The following LRRN1 variants were observed in gnomAD, a reference collection of about 807,000 sequenced individuals.
The protein encoded by LRRN1 is leucine-rich repeat neuronal protein 1.
LRRN1 carries 14 observed loss-of-function variants against 45.8 expected under a neutral mutation model. The ratio of observed to expected loss-of-function variants is 0.31; its 90% CI spans 0.20 to 0.48. LRRN1 has a LOEUF of 0.48. LRRN1 is among the 20% of genes least tolerant of loss of function. The pLI, the probability that LRRN1 is intolerant of heterozygous loss-of-function variation, is 0.99. For missense variants in LRRN1, 789 were observed against 874.2 expected (o/e 0.90, Z 1.23); for synonymous variants, 359 against 330.1 (o/e 1.09, Z -0.95).
intron 1 of LRRN1, among the ~76,000 whole-genome samples, chr3:3,829,316 CGTT>C (rs1244805622): frequency 2.6e-5 from 4 of 152,032 alleles, no homozygotes; most frequent in Non-Finnish European, 5.9e-5. Flanking sequence ...TTCATGGAAT[CGTT>C]GTTATGTCTC....
Position 3,844,685 on chromosome 3 carries a change from T to C in LRRN1, c.44T>C (p.Leu15Pro). The C allele has an allele frequency of 6.2e-7, 1 of 1,614,110 alleles. No individual in the cohort carries two copies. Among genetic ancestry groups the C allele is most frequent in the Non-Finnish European group, 8.5e-7 (1 of 1,179,974 alleles). The change falls in exon 2 of 2, where the codon CTG (leucine) becomes CCG (proline). Residue 15 changes from leucine to proline, a missense_variant. Transcript: ENST00000319331. ...SFVIAACQLV[L>P]GLLMTSLTES... ...GTTATAGCAGCTTGCCAATTGGTGC[T>C]GGGCCTACTAATGACTTCATTAACC...
chr3:3,848,273 A>G lies in LRRN1; in HGVS notation c.*1481A>G, dbSNP rs1693820906. On this transcript the variant is annotated 3_prime_UTR_variant, in exon 2 of 2. Transcript: ENST00000319331. ...TCCAAATATATATAGACAGTTTTGG[A>G]GAATTGTTTCAAGATTATAGAGGAA... 6.6e-6 allele frequency among the ~76,000 whole-genome samples: 1 copy of G among 152,238 alleles called. No individual in the cohort carries two copies. The highest frequency in any genetic ancestry group is 2.4e-5 in the African/African-American group (1 of 41,466).
chr3:3,820,872 G>A (rs866016637), intron 1 of LRRN1, among the ~76,000 whole-genome samples: 6 of 152,182 alleles, frequency 3.9e-5, no homozygotes, highest in Middle Eastern at 3.2e-3. Context: ...ATGAGTGACT[G>A]GAAGAATGAA....
At chr3:3,827,611 C>T in intron 1 of LRRN1, 2 of 426,396 alleles carry the variant, frequency 4.7e-6, no homozygotes, top group African/African-American at 2.0e-5. Context: ...CTGCATTTGC[C>T]ATGGATCTAT....
At chr3:3,821,104 C>A (rs1693093414) in intron 1 of LRRN1, among the ~76,000 whole-genome samples, 1 of 152,182 alleles carries the variant, frequency 6.6e-6, no homozygotes, top group Admixed American at 6.5e-5. Flanking sequence ...ATCAAAATCT[C>A]CATGAGGCAT....
intron 1 of LRRN1, among the ~76,000 whole-genome samples, chr3:3,841,024 G>A (rs552052168): frequency 3.1e-4 from 47 of 152,240 alleles, no homozygotes; most frequent in African/African-American, 1.1e-3. Context: ...TTGAGGCTGG[G>A]TGCGGTGGCT....
rs1388084791 is a variant in LRRN1, at chr3:3,849,662, G to T, written c.*2870G>T. 6.6e-6 allele frequency among the ~76,000 whole-genome samples: 1 copy of T among 152,108 alleles called. No homozygotes were observed. Among genetic ancestry groups the T allele is most frequent in the African/African-American group, 2.4e-5 (1 of 41,416 alleles). On this transcript the variant is annotated 3_prime_UTR_variant, in exon 2 of 2. Transcript: ENST00000319331. ...CTGATTTTTCAAGGTTATTTTTGGA[G>T]CAGTTTCTTAAAACAGGCATTCCCT... is the stretch of plus-strand genomic sequence containing the variant.
rs1004236105 is a variant in LRRN1 at position 3,848,742 on chromosome 3, A to C, written c.*1950A>C. ...CCCAGGGAGGGCTTGCAGCTTACCCAGTTCGGACTCCTGCCAGTTCAGCGC... is the reference window on the plus strand; with the variant it reads ...CCCAGGGAGGGCTTGCAGCTTACCCCGTTCGGACTCCTGCCAGTTCAGCGC... On this transcript the variant is annotated 3_prime_UTR_variant, in exon 2 of 2. Transcript: ENST00000319331. 6.6e-6 allele frequency among the ~76,000 whole-genome samples: 1 copy of C among 152,142 alleles called. No homozygotes were observed. Among genetic ancestry groups the C allele is most frequent in the African/African-American group, 2.4e-5 (1 of 41,432 alleles).
intron 1 of LRRN1, among the ~76,000 whole-genome samples, chr3:3,815,805 C>A (rs1163929994): frequency 6.6e-6 from 1 of 152,068 alleles, no homozygotes; most frequent in Non-Finnish European, 1.5e-5. Flanking sequence ...CCCCTTAAAT[C>A]AAAAACTCTA....
At chr3:3,829,875 GC>G (rs1448810550) in intron 1 of LRRN1, among the ~76,000 whole-genome samples, 4 of 152,174 alleles carry the variant, frequency 2.6e-5, no homozygotes, top group African/African-American at 4.8e-5. Context: ...ACAAACCTCT[GC>G]CCTTTTCATG....
At chr3:3,833,760 C>T (rs1693423059) in intron 1 of LRRN1, among the ~76,000 whole-genome samples, 1 of 152,162 alleles carries the variant, frequency 6.6e-6, no homozygotes, top group Non-Finnish European at 1.5e-5. Context: ...GCGGAAAGGC[C>T]TATGGCAGCA....
chr3:3,813,981 AC>A, intron 1 of LRRN1, among the ~76,000 whole-genome samples: 2 of 151,746 alleles, frequency 1.3e-5, no homozygotes, highest in Middle Eastern at 3.4e-3. Context: ...CTCAGGCTCA[AC>A]CTTGAAATTA....
chr3:3,844,946 T>G lies in LRRN1; in HGVS notation c.305T>G (p.Phe102Cys). The change falls in exon 2 of 2, where the codon TTC becomes TGC. Residue 102 changes from phenylalanine (F) to cysteine (C), a missense_variant. Phe to Cys is a radical substitution (Grantham distance 205, BLOSUM62 -2). Coordinates refer to ENST00000319331, the MANE Select transcript of LRRN1 (RefSeq NM_020873.7). ...QQLFNLTELDFSQNNFTNIKE... is the reference protein window; with the variant it reads ...QQLFNLTELDCSQNNFTNIKE... Reference sequence around the variant, plus strand: ...CTTTTCAACTTGACTGAACTAGATTTCTCCCAAAACAACTTTACTAACATT... The same window carrying G: ...CTTTTCAACTTGACTGAACTAGATTGCTCCCAAAACAACTTTACTAACATT... 1 of 1,614,068 alleles carries G rather than the reference T, an allele frequency of 6.2e-7. No homozygotes were observed. The highest frequency in any genetic ancestry group is 2.2e-5 in the East Asian group (1 of 44,850).
chr3:3,834,540 ATATATATATATATGATATATATATTAT>A (rs1693457156), intron 1 of LRRN1, among the ~76,000 whole-genome samples: 1 of 113,536 alleles, frequency 8.8e-6, no homozygotes, highest in Non-Finnish European at 1.8e-5. Context: ...ATATATATAT[ATATATATATATATGATATATATATTAT>A]TATACATATT....
intron 1 of LRRN1, among the ~76,000 whole-genome samples, chr3:3,824,795 A>G (rs1281879827): frequency 6.6e-6 from 1 of 152,198 alleles, no homozygotes; most frequent in African/African-American, 2.4e-5. Context: ...AAGCAAAGCA[A>G]TGTGGGATTG....
intron 1 of LRRN1, chr3:3,827,560 T>TTCCCC (rs1693251566): frequency 2.2e-6 from 1 of 452,088 alleles, no homozygotes; most frequent in South Asian, 1.6e-5. Flanking sequence ...ATTTCCCCAT[T>TTCCCC]ATTCAAGCCA....
intron 1 of LRRN1, among the ~76,000 whole-genome samples, chr3:3,818,119 C>G (rs996372108): frequency 6.6e-6 from 1 of 152,138 alleles, no homozygotes; most frequent in Non-Finnish European, 1.5e-5. Flanking sequence ...CAGGGCATGG[C>G]GAAATCTGTC....
In LRRN1 at chr3:3,846,694, A is replaced by C. The variant is rs1178842446; in HGVS notation, c.2053A>C (p.Ile685Leu). 5.6e-6 allele frequency: 9 copies of C among 1,613,940 alleles called. No homozygotes were observed. The Admixed American group carries it at 6.7e-5, about 12-fold the overall frequency. ...IPLNELYPPL[I>L]NLWEGDSEKD... ...ACTAAATGAGCTGTACCCACCACTC[A>C]TTAACCTCTGGGAAGGTGACAGCGA... The change falls in exon 2 of 2, where the codon ATT becomes CTT. Residue 685 changes from isoleucine (I) to leucine (L), a missense_variant. Transcript: ENST00000319331. The surrounding 1 kb of genome is among the most constrained non-coding windows in gnomAD (Gnocchi z 5.7).
chr3:3,801,185 A>C (rs1692645119), intron 1 of LRRN1: 1 of 152,266 alleles, frequency 6.6e-6, no homozygotes, highest in Admixed American at 6.5e-5. Context: ...GCCGGGGTAC[A>C]AATGGTTCTG....
Sources: gnomAD v4.1 joint callset for allele counts (sites outside exome capture counted in the v4.1 genomes callset) on GRCh38, gnomAD v4.1.1 for gene constraint, Gnocchi (gnomAD v3.1) non-coding constraint, MANE v1.5 for transcripts, NCBI Gene and HGNC (gene_info 2026-07-23, HGNC 2026-07-21) for gene names.